Variants in GOLT1A observed in about 807,000 individuals in gnomAD.
GOLT1A encodes the protein golgi transport 1A.
Under a neutral mutation model 16.1 loss-of-function variants are expected in GOLT1A, and 10 were observed. The observed-to-expected ratio is 0.62, with a 90% CI of 0.38 to 1.05. The LOEUF (loss-of-function observed/expected upper bound fraction) is 1.05. Among genes scored for constraint, GOLT1A ranks in the 50% least tolerant of loss-of-function variants. The pLI, the probability that GOLT1A is intolerant of heterozygous loss-of-function variation, is 0.01. For synonymous variants in GOLT1A, 60 were observed against 67.9 expected, an observed-to-expected ratio of 0.88 and a Z score of 0.57; for missense variants, 137 against 165.7, an observed-to-expected ratio of 0.83 and a Z score of 0.95.
intron 1 of GOLT1A, among the ~76,000 whole-genome samples, chr1:204,210,718 C>T (rs888931251): frequency 4.6e-5 from 7 of 152,324 alleles, no homozygotes; most frequent in Middle Eastern, 6.8e-3. Context: ...TGAGCCACCA[C>T]ACCCAGCCTC....
intron 1 of GOLT1A, among the ~76,000 whole-genome samples, chr1:204,204,687 C>T (rs530114884): frequency 3.4e-4 from 52 of 152,318 alleles, no homozygotes; most frequent in African/African-American, 1.2e-3. Context: ...GTGGAATTAA[C>T]GGAATTATAC....
At position 204,198,298 on chromosome 1, in the gene GOLT1A, A is replaced by G; in HGVS notation, c.*160T>C. 1.5e-6 allele frequency: 1 copy of G among 648,408 alleles called. No homozygotes were observed. Among genetic ancestry groups the G allele is most frequent in the South Asian group, 2.0e-5 (1 of 50,138 alleles). The allele number at this position is 648,408 out of a possible 1,614,324, so 40.2% of individuals were successfully genotyped here. On this transcript the variant is annotated 3_prime_UTR_variant, in exon 5 of 5. Coordinates refer to ENST00000308302, the MANE Select transcript of GOLT1A (RefSeq NM_198447.2). ...GGCAGCCTCTTGAGTCGACTTGGGG[A>G]TTTGACGTCAGTTGCTCAGCTCCAT... is the stretch of plus-strand genomic sequence containing the variant.
Position 204,208,503 on chromosome 1 carries a change from A to ATATATAT in GOLT1A, c.25+5378_25+5379insATATATA, listed in dbSNP as rs1355316440. 3.4e-3 allele frequency among the ~76,000 whole-genome samples: 173 copies of ATATATAT among 50,880 alleles called. 3 individuals are homozygous for ATATATAT. The highest frequency in any genetic ancestry group is 0.011 in the African/African-American group (133 of 12,272). 33.4% of individuals were successfully genotyped at this position (50,880 alleles called of 152,430 possible). A position where few individuals can be genotyped will look rare whatever the true frequency, so the allele number is the denominator to read the frequency against. ...ATATATATATATATATATATATATA[A>ATATATAT]AAAATGAACTACTACTCAGTCACAA... is the stretch of plus-strand genomic sequence containing the variant. On this transcript the variant is annotated intron_variant, in intron 1 of 4. Transcript: ENST00000308302.
chr1:204,203,050 T>A, intron 1 of GOLT1A, 63 bp from the exon 2 acceptor site: 1 of 1,299,566 alleles, frequency 7.7e-7, no homozygotes, highest in African/African-American at 1.5e-5. Context: ...ACCCTGAAAC[T>A]TCCCCCATTG....
chr1:204,204,901 A>G (rs1557986093), intron 1 of GOLT1A, among the ~76,000 whole-genome samples: 3 of 152,222 alleles, frequency 2.0e-5, no homozygotes, highest in Admixed American at 6.5e-5. Flanking sequence ...GTTTTGACTT[A>G]CATTTCCCTA....
At chr1:204,210,962 C>T (rs1424263698) in intron 1 of GOLT1A, among the ~76,000 whole-genome samples, 5 of 152,108 alleles carry the variant, frequency 3.3e-5, no homozygotes, top group South Asian at 4.2e-4. Flanking sequence ...ATGTCACCAC[C>T]GCCCACCCCA....
intron 1 of GOLT1A, among the ~76,000 whole-genome samples, chr1:204,203,874 T>G (rs1659000703): frequency 6.6e-6 from 1 of 151,918 alleles, no homozygotes; most frequent in Non-Finnish European, 1.5e-5. Context: ...TCTCAGGGCA[T>G]TCTTTGAAGC....
intron 1 of GOLT1A, among the ~76,000 whole-genome samples, chr1:204,206,033 G>GCA (rs1659034286): frequency 1.3e-5 from 2 of 152,132 alleles, no homozygotes; most frequent in South Asian, 4.1e-4. Context: ...TTATGCCACT[G>GCA]CACTCCAGCC....
chr1:204,200,712 G>A (rs1372758508), intron 3 of GOLT1A, among the ~76,000 whole-genome samples: 1 of 152,102 alleles, frequency 6.6e-6, no homozygotes, highest in Non-Finnish European at 1.5e-5. Flanking sequence ...AAGTCTCTGA[G>A]GCCTAGGCCA....
chr1:204,199,264 A>C lies in GOLT1A; in HGVS notation c.297-6T>G. On this transcript the variant is annotated splice_region_variant and splice_polypyrimidine_tract_variant and intron_variant, in intron 3 of 4. Coordinates refer to ENST00000308302, the MANE Select transcript of GOLT1A (RefSeq NM_198447.2). ...AGGCGACAGGGAAAAAGCCCCTAGG[A>C]GCAGAGGGGAGAAGGGAGGAGTCAG... The C allele has an allele frequency of 6.3e-7, 1 of 1,599,166 alleles. No homozygotes were observed. The highest frequency in any genetic ancestry group is 8.5e-7 in the Non-Finnish European group (1 of 1,173,458).
At chr1:204,199,070 G>A (rs1169325836) in intron 4 of GOLT1A, 125 bp downstream of exon 4, 3 of 789,322 alleles carry the variant, frequency 3.8e-6, no homozygotes, top group Non-Finnish European at 6.4e-6. Flanking sequence ...CCTGGGCTAG[G>A]GGGTCTGAGG....
At position 204,203,747 on chromosome 1, in the gene GOLT1A, G is replaced by A. The variant is rs866990851; in HGVS notation, c.26-760C>T. Among the ~76,000 whole-genome samples, 4 of 151,240 alleles carry A rather than the reference G, an allele frequency of 2.6e-5. No homozygotes were observed. The South Asian group carries it at 6.3e-4, about 24-fold the overall frequency. On this transcript the variant is annotated intron_variant, in intron 1 of 4. Transcript: ENST00000308302. ...CTCTCATTTCAGCCCAGTGGCTTTG[G>A]GCAGTTCTGCCGAGGTTGGACCCAC...
At chr1:204,200,279 T>A (rs1037885268) in intron 3 of GOLT1A, among the ~76,000 whole-genome samples, 1 of 99,058 alleles carries the variant, frequency 1.0e-5, no homozygotes, top group African/African-American at 4.3e-5. Flanking sequence ...TAAGCGACTG[T>A]TTGAAAATGA....
At chr1:204,211,164 C>A (rs1659131692) in intron 1 of GOLT1A, among the ~76,000 whole-genome samples, 1 of 152,196 alleles carries the variant, frequency 6.6e-6, no homozygotes, top group African/African-American at 2.4e-5. Flanking sequence ...TGCACCCTCC[C>A]AGTCCTTCTC....
intron 1 of GOLT1A, among the ~76,000 whole-genome samples, chr1:204,212,488 T>C (rs773975294): frequency 6.6e-6 from 1 of 151,800 alleles, no homozygotes; most frequent in Non-Finnish European, 1.5e-5. Flanking sequence ...AATACAAAAA[T>C]TAGCCAGGTG....
At chr1:204,203,488 G>A (rs1244853394) in intron 1 of GOLT1A, among the ~76,000 whole-genome samples, 2 of 152,150 alleles carry the variant, frequency 1.3e-5, no homozygotes, top group South Asian at 2.1e-4. Flanking sequence ...TCAAGAGGCT[G>A]GCCCGCCTGA....
chr1:204,201,521 G>T, intron 3 of GOLT1A, 112 bp downstream of exon 3: 1 of 1,115,160 alleles, frequency 9.0e-7, no homozygotes, highest in Non-Finnish European at 1.3e-6. Flanking sequence ...GGTGTCCATG[G>T]TTCTCATCTC....
intron 3 of GOLT1A, 50 bp downstream of exon 3, chr1:204,201,583 A>T: frequency 1.9e-6 from 3 of 1,576,528 alleles, no homozygotes; most frequent in East Asian, 4.5e-5. Flanking sequence ...GATCTCAGCC[A>T]CTCAGACACT....
At chr1:204,199,349 C>T (rs1248089454) in intron 3 of GOLT1A, 91 bp from the exon 4 acceptor site, 4 of 992,794 alleles carry the variant, frequency 4.0e-6, no homozygotes, top group Non-Finnish European at 6.3e-6. Context: ...AAGGTTCAAG[C>T]TCTGGCTTCC....
Sources: allele counts gnomAD v4.1 joint callset (sites outside exome capture counted in the v4.1 genomes callset), GRCh38; gene constraint gnomAD v4.1.1; transcripts MANE v1.5; gene names NCBI Gene and HGNC (gene_info 2026-07-23, HGNC 2026-07-21).